AHI1: variants seen among roughly 807,000 people sequenced by gnomAD.
The protein encoded by AHI1 is jouberin.
AHI1 carries 123 observed loss-of-function variants against 149.3 expected under a neutral mutation model. That is an observed-to-expected ratio of 0.82 (90% confidence interval 0.71 to 0.96). The LOEUF is 0.96. Ranked by LOEUF, AHI1 falls within the 40% of genes least tolerant of loss-of-function variation. The pLI, the probability that AHI1 is intolerant of heterozygous loss-of-function variation, is 0.00. For missense variants in AHI1, 1,439 were observed against 1,422.7 expected (o/e 1.01, Z -0.18); for synonymous variants, 475 against 459.8 (o/e 1.03, Z -0.42).
chr6:135,487,670 T>C (rs770866393), intron 5 of AHI1, among the ~76,000 whole-genome samples: 5 of 152,186 alleles, frequency 3.3e-5, no homozygotes, highest in Non-Finnish European at 5.9e-5. Context: ...ATCTTTTATG[T>C]TGGGAACATA....
rs199983676 is a variant in AHI1 at position 135,419,795 on chromosome 6, TCTTA to T, written c.2764+7368_2764+7371del. ...AATGAAATTTGCTGCACTGATTGGC[TCTTA>T]CTTTCACAAAAGATTTCTCTGTAGC... On this transcript the variant is annotated intron_variant, in intron 20 of 28. Transcript: ENST00000265602. 7.8e-3 allele frequency among the ~76,000 whole-genome samples: 1,191 copies of T among 152,218 alleles called. 10 individuals are homozygous for T. The highest frequency in any genetic ancestry group is 0.026 in the African/African-American group (1,095 of 41,554).
intron 20 of AHI1, among the ~76,000 whole-genome samples, chr6:135,421,689 G>C (rs75426590): frequency 2.0e-5 from 3 of 152,100 alleles, no homozygotes; most frequent in Non-Finnish European, 4.4e-5. Context: ...TAAAGAGGAA[G>C]TCAGGGCTCT....
chr6:135,374,010 C>T (rs1775462370), intron 23 of AHI1, among the ~76,000 whole-genome samples: 1 of 148,586 alleles, frequency 6.7e-6, no homozygotes, highest in Non-Finnish European at 1.5e-5. Flanking sequence ...CCTATGAAAA[C>T]ATGAGATTTA....
chr6:135,458,178 C>T (rs1438357164), intron 8 of AHI1, among the ~76,000 whole-genome samples: 1 of 152,074 alleles, frequency 6.6e-6, no homozygotes, highest in Non-Finnish European at 1.5e-5. Flanking sequence ...ATATAGTAGA[C>T]AGATTAAAAT....
chr6:135,443,453 A>G (rs1267925081), intron 13 of AHI1, among the ~76,000 whole-genome samples: 1 of 152,216 alleles, frequency 6.6e-6, no homozygotes, highest in East Asian at 1.9e-4. Flanking sequence ...CTCTTACTAT[A>G]TGTCATGAAA....
chr6:135,300,723 C>A (rs1421949873), intron 26 of AHI1, 165 bp from the exon 27 acceptor site: 89 of 1,180,170 alleles, frequency 7.5e-5, no homozygotes, highest in East Asian at 5.1e-4. Flanking sequence ...TCTATCAGGA[C>A]AATATATTTG....
intron 20 of AHI1, among the ~76,000 whole-genome samples, chr6:135,417,924 C>T (rs2614290): frequency 0.83 from 126,847 of 152,012 alleles, 55,102 homozygotes; most frequent in East Asian, 0.97. Context: ...GGATTTAATA[C>T]ATGACTTCTG....
intron 2 of AHI1, 68 bp from the exon 3 acceptor site, chr6:135,495,966 CCATT>C (rs1448923678): frequency 5.3e-5 from 8 of 152,020 alleles, no homozygotes; most frequent in Non-Finnish European, 1.0e-4. Flanking sequence ...TACTTTATGT[CCATT>C]ATTATTGTAT....
chr6:135,390,129 C>T (rs1778273575), intron 23 of AHI1, among the ~76,000 whole-genome samples: 2 of 152,054 alleles, frequency 1.3e-5, no homozygotes, highest in South Asian at 2.1e-4. Context: ...AGATTGGACA[C>T]CCCTCTTCTA....
intron 24 of AHI1, among the ~76,000 whole-genome samples, chr6:135,331,365 A>T (rs924692395): frequency 6.6e-6 from 1 of 152,214 alleles, no homozygotes; most frequent in Non-Finnish European, 1.5e-5. Flanking sequence ...TTGCTTGGTC[A>T]TAATCATGGT....
chr6:135,403,723 C>T (rs901717893), intron 22 of AHI1, among the ~76,000 whole-genome samples: 9 of 152,200 alleles, frequency 5.9e-5, no homozygotes, highest in Admixed American at 5.9e-4. Context: ...ACAATCATTA[C>T]ACCAATCATT....
At chr6:135,381,946 AT>A (rs1482045731) in intron 23 of AHI1, among the ~76,000 whole-genome samples, 1 of 152,230 alleles carries the variant, frequency 6.6e-6, no homozygotes, top group Non-Finnish European at 1.5e-5. Context: ...AAATGTTTTT[AT>A]TTTTTAAACT....
intron 26 of AHI1, among the ~76,000 whole-genome samples, chr6:135,314,849 T>C (rs1301404728): frequency 6.6e-6 from 1 of 152,172 alleles, no homozygotes; most frequent in Non-Finnish European, 1.5e-5. Flanking sequence ...ATCTCCTGCT[T>C]ATCTTTGCAT....
rs774430647 is a variant in AHI1 at position 135,285,343 on chromosome 6, T to C, written c.*302A>G. 2.4e-5 allele frequency: 11 copies of C among 463,928 alleles called. No homozygotes were observed. Among genetic ancestry groups the C allele is most frequent in the African/African-American group, 3.9e-5 (2 of 50,880 alleles). 28.7% of individuals were successfully genotyped at this position (463,928 alleles called of 1,614,324 possible). ...ATTTGCTGAGTAGCAATTACAGTGT[T>C]TTCTTCATTAGTTTTCCAACACTGG... is the stretch of plus-strand genomic sequence containing the variant. On this transcript the variant is annotated 3_prime_UTR_variant, in exon 29 of 29. Transcript: ENST00000265602.
intron 3 of AHI1, chr6:135,492,921 A>G: frequency 1.0e-6 from 1 of 980,530 alleles, no homozygotes; most frequent in Non-Finnish European, 1.2e-6. Context: ...AAATGAACAT[A>G]TTCTCACATT....
At chr6:135,437,706 T>C (rs572963644) in intron 15 of AHI1, among the ~76,000 whole-genome samples, 33 of 152,300 alleles carry the variant, frequency 2.2e-4, no homozygotes, top group Non-Finnish European at 3.5e-4. Context: ...GAGAATAATG[T>C]CTTACCTAAT....
chr6:135,352,276 A>C (rs1188273707), intron 24 of AHI1, among the ~76,000 whole-genome samples: 1 of 152,186 alleles, frequency 6.6e-6, no homozygotes, highest in Admixed American at 6.5e-5. Flanking sequence ...CTAACATTCA[A>C]TGATCTTTAT....
intron 5 of AHI1, among the ~76,000 whole-genome samples, chr6:135,472,003 A>G (rs1791791178): frequency 8.3e-6 from 1 of 120,946 alleles, no homozygotes; most frequent in African/African-American, 3.3e-5. Flanking sequence ...TGGGCGACAG[A>G]GCGAGACTCC....
At chr6:135,396,190 TG>T (rs1012515438) in intron 22 of AHI1, among the ~76,000 whole-genome samples, 1 of 151,610 alleles carries the variant, frequency 6.6e-6, no homozygotes, top group Non-Finnish European at 1.5e-5. Context: ...CCAAAGTAGT[TG>T]GGGGGGTCAA....
Sources: allele counts gnomAD v4.1 joint callset (sites outside exome capture counted in the v4.1 genomes callset), GRCh38; gene constraint gnomAD v4.1.1; transcripts MANE v1.5; gene names NCBI Gene and HGNC (gene_info 2026-07-23, HGNC 2026-07-21).